Variants in ST18 observed in about 807,000 individuals in gnomAD.
ST18 encodes suppression of tumorigenicity 18 protein.
In ST18, 50 loss-of-function variants were observed where a neutral mutation model predicts 110.0. The observed-to-expected ratio is 0.45, with a 90% CI of 0.36 to 0.58. The LOEUF is 0.58. Ranked by LOEUF, ST18 falls within the 20% of genes least tolerant of loss-of-function variation. The pLI, the probability that ST18 is intolerant of heterozygous loss-of-function variation, is 0.00. For synonymous variants in ST18, 461 were observed against 452.4 expected (o/e 1.02, Z -0.24); for missense variants, 1,306 against 1,280.1 (o/e 1.02, Z -0.31).
At chr8:52,207,820 G>A (rs1174203008) in intron 8 of ST18, among the ~76,000 whole-genome samples, 3 of 152,180 alleles carry the variant, frequency 2.0e-5, no homozygotes, top group Non-Finnish European at 4.4e-5. Context: ...CCTAATTAGA[G>A]GAAGGGGGCT....
chr8:52,122,439 A>G (rs113728899), intron 23 of ST18, among the ~76,000 whole-genome samples: 2,433 of 152,008 alleles, frequency 0.016, 69 homozygotes, highest in African/African-American at 0.055. Flanking sequence ...TATATTTCAA[A>G]CAAATTCTAT....
At position 52,120,137 on chromosome 8, in the gene ST18, G is replaced by A. The variant is rs148765091; in HGVS notation, c.2756-1696C>T. On this transcript the variant is annotated intron_variant, in intron 23 of 25. Transcript: ENST00000689386. ...CATCTTGGAGCCCCGTATTTTACTG[G>A]TTGGTGTGCAGGTACAGGGATCTCC... Among the ~76,000 whole-genome samples, 470 of 152,274 alleles carry A rather than the reference G, an allele frequency of 3.1e-3. 2 individuals are homozygous for A. The highest frequency in any genetic ancestry group is 3.6e-3 in the Non-Finnish European group (247 of 68,006).
In ST18 at chr8:52,340,415, C is replaced by A. The variant is rs145619832; in HGVS notation, c.-465+68913G>T. ...TACTCAGTCTTCCTTCTGCTCCTCC[C>A]CTACTGTGGGCCTGGATCCAGTGCA... On this transcript the variant is annotated intron_variant, in intron 2 of 25. Coordinates refer to ENST00000689386, the MANE Select transcript of ST18 (RefSeq NM_001352837.2). 2.2e-4 allele frequency among the ~76,000 whole-genome samples: 33 copies of A among 152,322 alleles called. No individual in the cohort carries two copies. In the East Asian group the frequency reaches 6.4e-3, roughly 29 times the overall value.
intron 10 of ST18, among the ~76,000 whole-genome samples, chr8:52,170,157 A>G (rs1396047989): frequency 2.6e-5 from 4 of 152,232 alleles, no homozygotes; most frequent in Non-Finnish European, 4.4e-5. Context: ...TAATTAAACT[A>G]TCGCATACTC....
intron 8 of ST18, among the ~76,000 whole-genome samples, chr8:52,189,151 A>T (rs929770120): frequency 6.6e-6 from 1 of 152,264 alleles, no homozygotes. Flanking sequence ...AATAACCAAC[A>T]TCATCACACC....
intron 17 of ST18, among the ~76,000 whole-genome samples, chr8:52,139,433 G>A (rs2053926241): frequency 6.6e-6 from 1 of 151,922 alleles, no homozygotes; most frequent in Non-Finnish European, 1.5e-5. Flanking sequence ...TCGGCTCACT[G>A]CAAACTTCGC....
intron 2 of ST18, among the ~76,000 whole-genome samples, chr8:52,289,646 T>G (rs752842798): frequency 1.1e-4 from 16 of 152,162 alleles, no homozygotes; most frequent in Non-Finnish European, 2.2e-4. Context: ...GTCATTCACT[T>G]CTTTCTCCAG....
intron 2 of ST18, chr8:52,393,842 C>T (rs562900554): frequency 7.1e-6 from 1 of 141,390 alleles, no homozygotes; most frequent in East Asian, 2.2e-4. Context: ...GAGACTGTGC[C>T]ATTGTACTCC....
intron 2 of ST18, among the ~76,000 whole-genome samples, chr8:52,365,293 T>C (rs976207834): frequency 6.6e-6 from 1 of 152,126 alleles, no homozygotes; most frequent in Non-Finnish European, 1.5e-5. Context: ...ATGAAGAATG[T>C]TTCGCCAAAG....
intron 2 of ST18, among the ~76,000 whole-genome samples, chr8:52,251,140 G>A (rs966074401): frequency 2.6e-5 from 4 of 152,050 alleles, no homozygotes; most frequent in South Asian, 2.1e-4. Context: ...GATCAAAAAC[G>A]GAGATTGGAG....
At position 52,133,105 on chromosome 8, in the gene ST18, C is replaced by A. The variant is rs138893358; in HGVS notation, c.2396G>T (p.Gly799Val). Residue 799 changes from glycine to valine, a missense_variant, in exon 21 of 26, where the codon GGT (glycine) becomes GTT (valine). By Grantham distance (109) the Gly-to-Val change is moderately radical (BLOSUM62 -3). Coordinates refer to ENST00000689386, the MANE Select transcript of ST18 (RefSeq NM_001352837.2). Reference sequence around the variant, plus strand: ...TTCCTTGGTAGGGGTCATTTTGACACCACCTTTCCTTGCACGAGGGCATCC... The same window carrying A: ...TTCCTTGGTAGGGGTCATTTTGACAACACCTTTCCTTGCACGAGGGCATCC... The part of the protein sequence containing the change: ...LSGCPRARKG[G>V]VKMTPTKEEK... The A allele has an allele frequency of 1.9e-6, 3 of 1,614,154 alleles. No individual in the cohort carries two copies. The highest frequency in any genetic ancestry group is 2.5e-6 in the Non-Finnish European group (3 of 1,180,024).
chr8:52,168,572 T>A lies in ST18; in HGVS notation c.1070-1586A>T, dbSNP rs543240730. ...GCGGAAGAGCCAAGGATCCTTCGAGTCGTTCTGCGCTGAGGGTCAGGGAGG... is the reference window on the plus strand; with the variant it reads ...GCGGAAGAGCCAAGGATCCTTCGAGACGTTCTGCGCTGAGGGTCAGGGAGG... On this transcript the variant is annotated intron_variant, in intron 10 of 25. Coordinates refer to ENST00000689386, the MANE Select transcript of ST18 (RefSeq NM_001352837.2). Among the ~76,000 whole-genome samples the A allele has an allele frequency of 5.3e-5, 8 of 151,946 alleles. No homozygotes were observed. The South Asian group carries it at 1.5e-3, about 28-fold the overall frequency.
intron 8 of ST18, among the ~76,000 whole-genome samples, chr8:52,196,139 A>G (rs748996014): frequency 3.3e-5 from 5 of 152,194 alleles, no homozygotes; most frequent in Non-Finnish European, 7.3e-5. Context: ...ACAGAAGTAG[A>G]GGTTTGGGGG....
chr8:52,302,962 T>C lies in ST18; in HGVS notation c.-464-72885A>G, dbSNP rs192694729. ...CTAAAAGCTAATGGGTGAAGGTTCATAGGAAACTTTCTTACCTAGTCTCAA... is the reference window on the plus strand; with the variant it reads ...CTAAAAGCTAATGGGTGAAGGTTCACAGGAAACTTTCTTACCTAGTCTCAA... On this transcript the variant is annotated intron_variant, in intron 2 of 25. Coordinates refer to ENST00000689386, the MANE Select transcript of ST18 (RefSeq NM_001352837.2). Among the ~76,000 whole-genome samples the C allele has an allele frequency of 1.4e-4, 21 of 152,238 alleles. No individual in the cohort carries two copies. The East Asian group carries it at 3.7e-3, about 27-fold the overall frequency.
intron 8 of ST18, among the ~76,000 whole-genome samples, chr8:52,194,053 G>A (rs1163779764): frequency 3.3e-5 from 5 of 152,212 alleles, no homozygotes; most frequent in African/African-American, 7.2e-5. Context: ...TTTTTTTCCC[G>A]TAAGGCCAAA....
chr8:52,236,482 T>C (rs1458327795), intron 2 of ST18, among the ~76,000 whole-genome samples: 3 of 151,906 alleles, frequency 2.0e-5, no homozygotes, highest in Admixed American at 2.0e-4. Flanking sequence ...TGGTGGCGGG[T>C]GCCTGTAATC....
chr8:52,178,209 C>T (rs1336024854), intron 9 of ST18, among the ~76,000 whole-genome samples: 1 of 152,140 alleles, frequency 6.6e-6, no homozygotes, highest in Non-Finnish European at 1.5e-5. Flanking sequence ...TGCAAACGCA[C>T]ACACATTTTC....
intron 22 of ST18, among the ~76,000 whole-genome samples, chr8:52,128,966 A>T (rs1178335438): frequency 2.6e-5 from 4 of 152,206 alleles, no homozygotes; most frequent in African/African-American, 9.7e-5. Context: ...GATGGGAAAG[A>T]AATTGAACAA....
At chr8:52,165,040 AT>A (rs1447121889) in intron 12 of ST18, 94 bp downstream of exon 12, 1 of 1,210,850 alleles carries the variant, frequency 8.3e-7, no homozygotes, top group African/African-American at 1.5e-5. Context: ...TGATGCAGCA[AT>A]TTTCATCACA....
Sources: gnomAD v4.1 joint callset for allele counts (sites outside exome capture counted in the v4.1 genomes callset) on GRCh38, gnomAD v4.1.1 for gene constraint, MANE v1.5 for transcripts, NCBI Gene and HGNC (gene_info 2026-07-23, HGNC 2026-07-21) for gene names.